The following PTPN2 variants were observed in gnomAD, a reference collection of about 807,000 sequenced individuals.
The protein encoded by PTPN2 is tyrosine-protein phosphatase non-receptor type 2.
Under a neutral mutation model 57.3 loss-of-function variants are expected in PTPN2, and 19 were observed. That is an observed-to-expected ratio of 0.33 (90% CI 0.23 to 0.49). The LOEUF (loss-of-function observed/expected upper bound fraction) is 0.49, where lower values mean the gene tolerates loss of function less well. Among genes scored for constraint, PTPN2 ranks in the 20% least tolerant of loss-of-function variants. PTPN2 has a pLI of 0.99. For missense variants in PTPN2, 358 were observed against 501.1 expected (o/e 0.71, Z 2.73); for synonymous variants, 153 against 164.9 (o/e 0.93, Z 0.55).
chr18:12,808,937 A>T (rs1598757043), intron 7 of PTPN2, among the ~76,000 whole-genome samples: 1 of 152,236 alleles, frequency 6.6e-6, no homozygotes, highest in African/African-American at 2.4e-5. Context: ...AGTAGTCACC[A>T]CAGTGGTGCT....
At chr18:12,826,006 T>G in intron 4 of PTPN2, 62 bp from the exon 5 acceptor site, 1 of 1,395,074 alleles carries the variant, frequency 7.2e-7, no homozygotes, top group African/African-American at 1.5e-5. Context: ...AACCATAAAG[T>G]TAAAAAATGA....
intron 1 of PTPN2, among the ~76,000 whole-genome samples, chr18:12,872,826 C>T (rs1040627245): frequency 2.0e-5 from 3 of 152,228 alleles, no homozygotes; most frequent in African/African-American, 7.2e-5. Flanking sequence ...GTACATAGAA[C>T]ATTAAATCGG....
chr18:12,857,333 C>T (rs138944805), intron 2 of PTPN2, among the ~76,000 whole-genome samples: 1 of 152,080 alleles, frequency 6.6e-6, no homozygotes, highest in East Asian at 1.9e-4. Flanking sequence ...ACAGAACTTA[C>T]ACGCACACAC....
chr18:12,787,403 G>C (rs936400325), downstream of PTPN2: 1 of 152,196 alleles, frequency 6.6e-6, no homozygotes, highest in African/African-American at 2.4e-5. Flanking sequence ...TTTCTCATCT[G>C]AATATAGGGA....
Position 12,793,577 on chromosome 18 carries a change from GTAAAACA to G in PTPN2, c.*694_*700del. On this transcript the variant is annotated 3_prime_UTR_variant, in exon 9 of 9. Transcript: ENST00000309660. ...TTTTCTTTTTAAAATGGGGAAAACT[GTAAAACA>G]TAAAAGAAATGCAATATATAGTAGA... 5 of 978,016 alleles carry G rather than the reference GTAAAACA, an allele frequency of 5.1e-6. No homozygotes were observed. The highest frequency in any genetic ancestry group is 3.6e-6 in the Non-Finnish European group (3 of 822,794). The allele number at this position is 978,016 out of a possible 1,614,324, so 60.6% of individuals were successfully genotyped here. A position where few individuals can be genotyped will look rare whatever the true frequency, so the allele number is the denominator to read the frequency against.
chr18:12,838,156 T>G (rs960181379), intron 2 of PTPN2, among the ~76,000 whole-genome samples: 7 of 152,306 alleles, frequency 4.6e-5, no homozygotes, highest in Admixed American at 4.6e-4. Flanking sequence ...GATTTTAAAA[T>G]TAAAGTTCCA....
intron 2 of PTPN2, among the ~76,000 whole-genome samples, chr18:12,842,974 T>C (rs2043093959): frequency 6.6e-6 from 1 of 152,338 alleles, no homozygotes; most frequent in East Asian, 1.9e-4. Flanking sequence ...CTGACTTTCT[T>C]AAGCGTAAAC....
intron 1 of PTPN2, 112 bp downstream of exon 1, chr18:12,883,961 C>G (rs892543632): frequency 4.2e-6 from 4 of 958,306 alleles, no homozygotes; most frequent in African/African-American, 3.4e-5. Flanking sequence ...ACTTCCGCCC[C>G]GAGCGAGAGG....
intron 8 of PTPN2, among the ~76,000 whole-genome samples, chr18:12,801,151 T>C (rs1048741395): frequency 2.6e-5 from 4 of 152,234 alleles, no homozygotes; most frequent in Non-Finnish European, 4.4e-5. Context: ...TTTCTAAGTA[T>C]TGGCTGAAAG....
chr18:12,852,911 A>G (rs1188118728), intron 2 of PTPN2, among the ~76,000 whole-genome samples: 1 of 152,124 alleles, frequency 6.6e-6, no homozygotes, highest in Non-Finnish European at 1.5e-5. Context: ...CCCTTTATTT[A>G]CCTAGTTCAG....
intron 2 of PTPN2, among the ~76,000 whole-genome samples, chr18:12,848,252 T>C (rs574537077): frequency 1.8e-4 from 27 of 152,246 alleles, no homozygotes; most frequent in Non-Finnish European, 3.8e-4. Flanking sequence ...CTTATAATTC[T>C]AAGACTATCA....
chr18:12,857,177 G>C (rs2043620659), intron 2 of PTPN2, among the ~76,000 whole-genome samples: 1 of 151,860 alleles, frequency 6.6e-6, no homozygotes, highest in Admixed American at 6.6e-5. Context: ...AAAATTAAAG[G>C]CAACACCAGG....
intron 1 of PTPN2, among the ~76,000 whole-genome samples, chr18:12,865,422 A>T (rs900452968): frequency 6.6e-6 from 1 of 150,908 alleles, no homozygotes; most frequent in Non-Finnish European, 1.5e-5. Flanking sequence ...ACAACAGAGC[A>T]AGACTCTGTC....
chr18:12,883,023 T>C (rs965730035), intron 1 of PTPN2, among the ~76,000 whole-genome samples: 11 of 152,166 alleles, frequency 7.2e-5, no homozygotes, highest in African/African-American at 2.4e-4. Context: ...CTAGTTGACA[T>C]AAAAAAAGCG....
intron 2 of PTPN2, among the ~76,000 whole-genome samples, chr18:12,842,402 A>G (rs895339314): frequency 2.6e-5 from 4 of 152,232 alleles, no homozygotes; most frequent in African/African-American, 9.6e-5. Flanking sequence ...AGTAAAGTAT[A>G]TGAGTAATAA....
At chr18:12,883,285 C>G (rs1327291395) in intron 1 of PTPN2, among the ~76,000 whole-genome samples, 1 of 152,214 alleles carries the variant, frequency 6.6e-6, no homozygotes, top group Non-Finnish European at 1.5e-5. Flanking sequence ...AAGAGAATGA[C>G]ACGCTATCAC....
At chr18:12,832,089 A>G (rs758786534) in intron 3 of PTPN2, among the ~76,000 whole-genome samples, 22 of 152,176 alleles carry the variant, frequency 1.4e-4, no homozygotes, top group Non-Finnish European at 2.6e-4. Flanking sequence ...AGACCCACAT[A>G]CAACAAGGGG....
intron 1 of PTPN2, among the ~76,000 whole-genome samples, chr18:12,883,356 G>A (rs2044730431): frequency 6.6e-6 from 1 of 152,238 alleles, no homozygotes; most frequent in African/African-American, 2.4e-5. Context: ...CCGAACCCAC[G>A]CTGGGCGCTG....
chr18:12,792,158 A>G lies in PTPN2; in HGVS notation c.*2120T>C. The G allele has an allele frequency of 1.2e-6, 1 of 863,162 alleles. No homozygotes were observed. The highest frequency in any genetic ancestry group is 5.3e-5 in the South Asian group (1 of 18,904). 53.5% of individuals were successfully genotyped at this position (863,162 alleles called of 1,614,324 possible). Reference sequence around the variant, plus strand: ...GAATCAGGACACAGGCACATGTTATATAAATCTTATTTAATATGTAGTACC... The same window carrying G: ...GAATCAGGACACAGGCACATGTTATGTAAATCTTATTTAATATGTAGTACC... On this transcript the variant is annotated 3_prime_UTR_variant, in exon 9 of 9. Coordinates refer to ENST00000309660, the MANE Select transcript of PTPN2 (RefSeq NM_002828.4).
Sources: allele counts gnomAD v4.1 joint callset (sites outside exome capture counted in the v4.1 genomes callset), GRCh38; gene constraint gnomAD v4.1.1; transcripts MANE v1.5; gene names NCBI Gene and HGNC (gene_info 2026-07-23, HGNC 2026-07-21).